Variants in MYO5B observed in about 807,000 individuals in gnomAD.
MYO5B encodes myosin VB.
MYO5B carries 143 observed loss-of-function variants against 229.3 expected under a neutral mutation model. The observed-to-expected ratio is 0.62, with a 90% CI of 0.54 to 0.72. The LOEUF (loss-of-function observed/expected upper bound fraction) is 0.72, where lower values mean the gene tolerates loss of function less well. Among genes scored for constraint, MYO5B ranks in the 30% least tolerant of loss-of-function variants. The pLI is 0.00. For synonymous variants in MYO5B, 918 were observed against 885.2 expected (o/e 1.04, Z -0.66); for missense variants, 2,321 against 2,331.0 (o/e 1.00, Z 0.09).
intron 10 of MYO5B, 21 bp from the exon 11 acceptor site, chr18:49,963,051 A>G (rs772155512): frequency 1.9e-6 from 3 of 1,599,710 alleles, no homozygotes; most frequent in South Asian, 2.2e-5. Flanking sequence ...GAAAGAGAAG[A>G]TAAGAGACGT....
chr18:49,940,629 TCA>T (rs750852874), intron 14 of MYO5B, among the ~76,000 whole-genome samples: 3 of 152,184 alleles, frequency 2.0e-5, no homozygotes, highest in Non-Finnish European at 4.4e-5. Context: ...TGAACCCCCC[TCA>T]GTCTGACGAC....
intron 22 of MYO5B, among the ~76,000 whole-genome samples, chr18:49,884,682 C>A (rs958220493): frequency 6.6e-6 from 1 of 152,168 alleles, no homozygotes; most frequent in Non-Finnish European, 1.5e-5. Flanking sequence ...CACTCACCTC[C>A]TGCTGTGCGG....
intron 1 of MYO5B, among the ~76,000 whole-genome samples, chr18:50,077,319 A>C (rs960461213): frequency 3.9e-5 from 6 of 152,134 alleles, no homozygotes; most frequent in Admixed American, 1.3e-4. Flanking sequence ...GCACATAAAC[A>C]GGGTTACAGG....
intron 22 of MYO5B, among the ~76,000 whole-genome samples, chr18:49,883,969 T>C (rs1401223932): frequency 1.3e-5 from 2 of 152,192 alleles, no homozygotes; most frequent in African/African-American, 4.8e-5. Flanking sequence ...TCAAAATGCA[T>C]TAAAGACTTA....
At chr18:49,828,491 T>C (rs1384711829) in intron 39 of MYO5B, among the ~76,000 whole-genome samples, 2 of 152,190 alleles carry the variant, frequency 1.3e-5, no homozygotes, top group Non-Finnish European at 2.9e-5. Context: ...TGGTTGGACA[T>C]TTCAATACCC....
intron 1 of MYO5B, among the ~76,000 whole-genome samples, chr18:50,075,242 T>G (rs957835205): frequency 1.3e-5 from 2 of 152,106 alleles, no homozygotes; most frequent in Admixed American, 1.3e-4. Flanking sequence ...GAGGGGTCTC[T>G]TGGGATTCCA....
At chr18:49,889,229 C>T (rs2024681359) in intron 22 of MYO5B, among the ~76,000 whole-genome samples, 1 of 152,178 alleles carries the variant, frequency 6.6e-6, no homozygotes, top group Non-Finnish European at 1.5e-5. Context: ...GCAGCACATA[C>T]AATGTAGGAA....
At chr18:49,878,118 G>C (rs1259269033) in intron 24 of MYO5B, among the ~76,000 whole-genome samples, 1 of 151,818 alleles carries the variant, frequency 6.6e-6, no homozygotes, top group Admixed American at 6.6e-5. Context: ...CTAACACTTG[G>C]GTCAATTTCT....
At chr18:50,088,345 G>C (rs11873823) in intron 1 of MYO5B, among the ~76,000 whole-genome samples, 16,123 of 152,172 alleles carry the variant, frequency 0.11, 1,670 homozygotes, top group African/African-American at 0.27. Flanking sequence ...TGACAGGCAT[G>C]TATAGGAACA....
intron 22 of MYO5B, among the ~76,000 whole-genome samples, chr18:49,891,591 T>C (rs2144125203): frequency 6.6e-6 from 1 of 152,288 alleles, no homozygotes. Context: ...CTTCCAGAGA[T>C]GGGTCAGTGT....
chr18:50,015,368 A>T (rs1374958169), intron 4 of MYO5B, among the ~76,000 whole-genome samples: 9 of 152,154 alleles, frequency 5.9e-5, no homozygotes, highest in Non-Finnish European at 1.3e-4. Flanking sequence ...GCAATCTTCA[A>T]ATATTTCCAG....
At chr18:49,947,461 CGAAAA>C (rs1225419567) in intron 14 of MYO5B, among the ~76,000 whole-genome samples, 1 of 151,916 alleles carries the variant, frequency 6.6e-6, no homozygotes, top group Non-Finnish European at 1.5e-5. Flanking sequence ...CATTTCTGAG[CGAAAA>C]GAAGTTTTTA....
At chr18:49,939,611 G>A (rs1267066835) in intron 14 of MYO5B, among the ~76,000 whole-genome samples, 1 of 152,146 alleles carries the variant, frequency 6.6e-6, no homozygotes, top group Non-Finnish European at 1.5e-5. Flanking sequence ...GAACCTACCG[G>A]AATCCTGCTC....
intron 31 of MYO5B, among the ~76,000 whole-genome samples, chr18:49,852,104 G>C (rs2024208296): frequency 6.6e-6 from 1 of 152,190 alleles, no homozygotes; most frequent in Non-Finnish European, 1.5e-5. Flanking sequence ...TCTTAAGGTA[G>C]GACTCCTAAG....
chr18:50,043,569 T>C (rs1201440171), intron 2 of MYO5B, among the ~76,000 whole-genome samples: 1 of 129,354 alleles, frequency 7.7e-6, no homozygotes, highest in Non-Finnish European at 1.6e-5. Context: ...TAAGTATATA[T>C]ATTTTTATAT....
intron 1 of MYO5B, among the ~76,000 whole-genome samples, chr18:50,093,719 T>C (rs1364090982): frequency 6.6e-6 from 1 of 152,048 alleles, no homozygotes; most frequent in African/African-American, 2.4e-5. Context: ...AAGTGACCTC[T>C]GGTCGTCCTC....
At chr18:50,015,652 T>C (rs757122909) in intron 4 of MYO5B, among the ~76,000 whole-genome samples, 1 of 152,234 alleles carries the variant, frequency 6.6e-6, no homozygotes, top group Non-Finnish European at 1.5e-5. Flanking sequence ...TCCTGGTAGT[T>C]GACAATTATC....
intron 1 of MYO5B, among the ~76,000 whole-genome samples, chr18:50,111,716 G>A (rs1484929839): frequency 1.3e-5 from 2 of 152,196 alleles, no homozygotes; most frequent in African/African-American, 4.8e-5. Flanking sequence ...AGTTTATGCT[G>A]ATAAAGGGAT....
intron 4 of MYO5B, among the ~76,000 whole-genome samples, chr18:50,029,981 C>A (rs2026370431): frequency 6.6e-6 from 1 of 152,218 alleles, no homozygotes; most frequent in African/African-American, 2.4e-5. Context: ...TGTAACAGCC[C>A]AGAATAACAA....
Sources: gnomAD v4.1 joint callset for allele counts (sites outside exome capture counted in the v4.1 genomes callset) on GRCh38, gnomAD v4.1.1 for gene constraint, MANE v1.5 for transcripts, NCBI Gene and HGNC (gene_info 2026-07-23, HGNC 2026-07-21) for gene names.